The following DGCR8 variants were observed in gnomAD, a reference collection of about 807,000 sequenced individuals.
The protein encoded by DGCR8 is DGCR8 microprocessor complex subunit.
Under a neutral mutation model 78.5 loss-of-function variants are expected in DGCR8, and 14 were observed. The observed-to-expected ratio is 0.18, with a 90% CI of 0.12 to 0.28. The LOEUF (loss-of-function observed/expected upper bound fraction) is 0.28. Ranked by LOEUF, DGCR8 falls within the 10% of genes least tolerant of loss-of-function variation. DGCR8 has a pLI of 1.00. For missense variants in DGCR8, 702 were observed against 1,022.5 expected (o/e 0.69, Z 4.28); for synonymous variants, 399 against 402.4 (o/e 0.99, Z 0.10).
intron 9 of DGCR8, among the ~76,000 whole-genome samples, chr22:20,103,649 G>C (rs1389866375): frequency 6.6e-6 from 1 of 152,140 alleles, no homozygotes; most frequent in African/African-American, 2.4e-5. Context: ...GTCATGGTAC[G>C]GGTAGTGTCA....
Position 20,087,217 on chromosome 22 carries a change from A to G in DGCR8, c.776A>G (p.Lys259Arg). The change falls in exon 3 of 14, where the codon AAA becomes AGA. Residue 259 changes from lysine to arginine, a missense_variant. Lys to Arg is a conservative substitution (Grantham distance 26). Around this residue, in one of 4 missense-constraint regions of DGCR8, gnomAD observed 356 missense variants for 448.9 expected, o/e 0.79. Coordinates refer to ENST00000351989, the MANE Select transcript of DGCR8 (RefSeq NM_022720.7). This position sits in a 1 kb window ranked among gnomAD's most constrained non-coding sequence, Gnocchi z 4.1. Reference sequence around the variant, plus strand: ...CTGGAAGAAGGCCTTTGTGCCCCCAAAAAGAGGCGAACAGAGGAAAAATAT... The same window carrying G: ...CTGGAAGAAGGCCTTTGTGCCCCCAGAAAGAGGCGAACAGAGGAAAAATAT... ...ALLEEGLCAPKKRRTEEKYGG... is the reference protein window; with the variant it reads ...ALLEEGLCAPRKRRTEEKYGG... 2 of 1,614,074 alleles carry G rather than the reference A, an allele frequency of 1.2e-6. No individual in the cohort carries two copies. Among genetic ancestry groups the G allele is most frequent in the Non-Finnish European group, 1.7e-6 (2 of 1,179,946 alleles).
chr22:20,096,304 G>C (rs1017690887), intron 9 of DGCR8: 5 of 178,158 alleles, frequency 2.8e-5, no homozygotes, highest in African/African-American at 1.2e-4. Context: ...AGCTGAGGAG[G>C]AGGGGGAAGA....
At chr22:20,104,769 C>T (rs1257886816) in intron 9 of DGCR8, among the ~76,000 whole-genome samples, 2 of 152,206 alleles carry the variant, frequency 1.3e-5, no homozygotes, top group Non-Finnish European at 2.9e-5. Flanking sequence ...GAGGATTTTT[C>T]GCTTGCCAAC....
rs1410280236 is a variant in DGCR8, at chr22:20,111,281, TGTG to T, written c.*1177_*1179del. On this transcript the variant is annotated 3_prime_UTR_variant, in exon 14 of 14. Transcript: ENST00000351989. ...GCACCTGTGCAGAGTGCCGTGTGCT[TGTG>T]GTGCGCCATCTGAAGCAAGAGTCCA... 2 of 398,534 alleles carry T rather than the reference TGTG, an allele frequency of 5.0e-6. No individual in the cohort carries two copies. Among genetic ancestry groups the T allele is most frequent in the African/African-American group, 2.1e-5 (1 of 48,524 alleles). 24.7% of individuals were successfully genotyped at this position (398,534 alleles called of 1,614,324 possible).
intron 7 of DGCR8, 108 bp from the exon 8 acceptor site, chr22:20,092,701 T>C: frequency 6.4e-6 from 6 of 943,958 alleles, no homozygotes; most frequent in Non-Finnish European, 9.8e-6. Context: ...GCCCACTCTC[T>C]GCAGGGACAG....
chr22:20,093,514 G>A (rs769912634), intron 8 of DGCR8, among the ~76,000 whole-genome samples: 2 of 152,240 alleles, frequency 1.3e-5, no homozygotes, highest in Non-Finnish European at 2.9e-5. Context: ...CAACTGGGCT[G>A]TGCTGGGCAC....
chr22:20,110,923 G>A lies in DGCR8; in HGVS notation c.*815G>A, dbSNP rs1050657258. On this transcript the variant is annotated 3_prime_UTR_variant, in exon 14 of 14. Transcript: ENST00000351989. ...TTTTTTACAAAGATTTTTTGCAGTC[G>A]AGTCCATATGTCCACCCATTGATTT... 6 of 357,986 alleles carry A rather than the reference G, an allele frequency of 1.7e-5. No individual in the cohort carries two copies. The highest frequency in any genetic ancestry group is 2.0e-5 in the Non-Finnish European group (4 of 201,374). The allele number at this position is 357,986 out of a possible 1,614,324, so 22.2% of individuals were successfully genotyped here.
intron 12 of DGCR8, chr22:20,108,513 T>G (rs1307077885): frequency 1.4e-5 from 3 of 217,052 alleles, no homozygotes; most frequent in East Asian, 1.2e-4. Context: ...CTGAGGCTGA[T>G]GGGCTGGGCT....
rs1391406162 is a variant in DGCR8 at position 20,111,401 on chromosome 22, C to T, written c.*1293C>T. ...TTTCTGTCAGGAAAACAATGTTGGC[C>T]TGTGGGCCGCCCACAACATATCCTT... On this transcript the variant is annotated 3_prime_UTR_variant, in exon 14 of 14. Coordinates refer to ENST00000351989, the MANE Select transcript of DGCR8 (RefSeq NM_022720.7). 5.0e-6 allele frequency: 2 copies of T among 397,152 alleles called. No individual in the cohort carries two copies. Among genetic ancestry groups the T allele is most frequent in the Admixed American group, 4.4e-5 (1 of 22,542 alleles). The allele number at this position is 397,152 out of a possible 1,614,324, so 24.6% of individuals were successfully genotyped here.
At chr22:20,101,766 C>A (rs2049705249) in intron 9 of DGCR8, 8 of 985,380 alleles carry the variant, frequency 8.1e-6, no homozygotes, top group Non-Finnish European at 9.6e-6. Context: ...TCCCCGCCCC[C>A]TGCTCCTCCC....
At chr22:20,096,644 A>G (rs1367684667) in intron 9 of DGCR8, 2 of 207,702 alleles carry the variant, frequency 9.6e-6, no homozygotes, top group African/African-American at 4.7e-5. Flanking sequence ...ACACCCCCAA[A>G]AGAAACTCCA....
chr22:20,084,615 C>T (rs894159292), intron 1 of DGCR8, among the ~76,000 whole-genome samples: 3 of 152,314 alleles, frequency 2.0e-5, no homozygotes, highest in East Asian at 1.9e-4. Context: ...GTTGTGGCCT[C>T]GGCACCTTCA....
chr22:20,080,563 G>T (rs61174903), intron 1 of DGCR8, 180 bp downstream of exon 1: 1 of 859,228 alleles, frequency 1.2e-6, no homozygotes, highest in South Asian at 5.3e-5. Context: ...GGGTGGGGAC[G>T]CCTCCGGGGC....
At chr22:20,083,970 A>G (rs1568950711) in intron 1 of DGCR8, among the ~76,000 whole-genome samples, 2 of 152,154 alleles carry the variant, frequency 1.3e-5, no homozygotes, top group Non-Finnish European at 2.9e-5. Flanking sequence ...ATCTTTGGGA[A>G]CATACGGTGT....
chr22:20,094,932 G>T, intron 9 of DGCR8, 137 bp downstream of exon 9: 1 of 670,296 alleles, frequency 1.5e-6, no homozygotes. Context: ...CCAGCCTCCA[G>T]GTTCTTCTGT....
chr22:20,097,763 CTT>C lies in DGCR8; in HGVS notation c.1788+2973_1788+2974del, dbSNP rs900243169. On this transcript the variant is annotated intron_variant, in intron 9 of 13. Coordinates refer to ENST00000351989, the MANE Select transcript of DGCR8 (RefSeq NM_022720.7). The stretch of plus-strand genomic sequence containing the variant: ...CTAGTGACTGTTTCATAATTTCTGT[CTT>C]TTTTAAAAAAATTCTTTATTGGGTA... Among the ~76,000 whole-genome samples the C allele has an allele frequency of 5.4e-4, 78 of 145,002 alleles. 2 individuals are homozygous for C. The highest frequency in any genetic ancestry group is 2.0e-4 in the Non-Finnish European group (13 of 65,536).
intron 9 of DGCR8, among the ~76,000 whole-genome samples, chr22:20,097,206 A>G (rs2049638445): frequency 1.3e-5 from 2 of 152,212 alleles, no homozygotes; most frequent in African/African-American, 2.4e-5. Flanking sequence ...TGGTTGGAAC[A>G]TGTTCCATTT....
At chr22:20,106,915 C>T (rs971408004) in intron 11 of DGCR8, 13 of 586,248 alleles carry the variant, frequency 2.2e-5, no homozygotes, top group African/African-American at 7.5e-5. Flanking sequence ...CCCCTGTCTC[C>T]GTCCAGCCCT....
intron 9 of DGCR8, among the ~76,000 whole-genome samples, chr22:20,099,773 G>A (rs1193132891): frequency 6.6e-6 from 1 of 152,186 alleles, no homozygotes; most frequent in Non-Finnish European, 1.5e-5. Context: ...GTTTTGTAAA[G>A]TTTTCTCATC....
Sources: gnomAD v4.1 joint callset for allele counts (sites outside exome capture counted in the v4.1 genomes callset) on GRCh38, gnomAD v4.1.1 for gene constraint, gnomAD v4.1.1 regional missense constraint, Gnocchi (gnomAD v3.1) non-coding constraint, MANE v1.5 for transcripts, NCBI Gene and HGNC (gene_info 2026-07-23, HGNC 2026-07-21) for gene names.